Variants in DCUN1D4 observed in about 807,000 individuals in gnomAD.
DCUN1D4 encodes the protein DCN1-like protein 4.
DCUN1D4 carries 22 observed loss-of-function variants against 47.9 expected under a neutral mutation model. The ratio of observed to expected loss-of-function variants is 0.46; its 90% CI spans 0.33 to 0.66. The LOEUF (loss-of-function observed/expected upper bound fraction) is 0.66, where lower values mean the gene tolerates loss of function less well. Among genes scored for constraint, DCUN1D4 ranks in the 30% least tolerant of loss-of-function variants. The pLI is 0.02. For synonymous variants in DCUN1D4, 121 were observed against 112.2 expected, an observed-to-expected ratio of 1.08 and a Z score of -0.50; for missense variants, 301 against 340.8, an observed-to-expected ratio of 0.88 and a Z score of 0.92.
At chr4:51,860,265 A>G (rs761386532) in intron 1 of DCUN1D4, among the ~76,000 whole-genome samples, 1 of 152,156 alleles carries the variant, frequency 6.6e-6, no homozygotes, top group Admixed American at 6.5e-5. Context: ...GGGATTGGAT[A>G]TAGAAATGGA....
chr4:51,910,477 A>G (rs1733558170), intron 8 of DCUN1D4, among the ~76,000 whole-genome samples: 1 of 152,108 alleles, frequency 6.6e-6, no homozygotes, highest in African/African-American at 2.4e-5. Flanking sequence ...GTATTGATAG[A>G]CTTCCTGCCT....
At chr4:51,913,126 C>T (rs1040588899) in intron 9 of DCUN1D4, among the ~76,000 whole-genome samples, 164 bp from the exon 10 acceptor site, 1 of 152,136 alleles carries the variant, frequency 6.6e-6, no homozygotes, top group Admixed American at 6.5e-5. Context: ...TTAAATTCTA[C>T]TCTTGCTCTC....
intron 3 of DCUN1D4, among the ~76,000 whole-genome samples, chr4:51,869,177 T>A (rs974835857): frequency 9.3e-3 from 997 of 106,692 alleles, no homozygotes; most frequent in Non-Finnish European, 0.012. Context: ...ATAAAAAAAA[T>A]AAAAAAAAAT....
intron 7 of DCUN1D4, among the ~76,000 whole-genome samples, chr4:51,892,641 G>A (rs1730605144): frequency 6.6e-6 from 1 of 152,208 alleles, no homozygotes; most frequent in Non-Finnish European, 1.5e-5. Flanking sequence ...GTGGTTTTAT[G>A]TATTTGCCTT....
At chr4:51,885,813 T>A (rs545122383) in intron 5 of DCUN1D4, among the ~76,000 whole-genome samples, 21 of 152,172 alleles carry the variant, frequency 1.4e-4, no homozygotes, top group African/African-American at 4.6e-4. Context: ...GAAAGCCAGA[T>A]GAGAGAGGGT....
At chr4:51,912,630 A>G (rs1433311848) in intron 9 of DCUN1D4, among the ~76,000 whole-genome samples, 1 of 152,242 alleles carries the variant, frequency 6.6e-6, no homozygotes, top group African/African-American at 2.4e-5. Context: ...AAATAGACAC[A>G]TGGCAAATTT....
chr4:51,897,401 A>C (rs1442780986), intron 7 of DCUN1D4, among the ~76,000 whole-genome samples: 2 of 152,216 alleles, frequency 1.3e-5, no homozygotes, highest in Non-Finnish European at 2.9e-5. Context: ...TTTAGTTCAT[A>C]CAGTATACAA....
At chr4:51,891,427 A>C (rs1285818533) in intron 6 of DCUN1D4, among the ~76,000 whole-genome samples, 2 of 152,244 alleles carry the variant, frequency 1.3e-5, no homozygotes, top group African/African-American at 4.8e-5. Context: ...GTAGACCTAT[A>C]AGATAACTTG....
intron 1 of DCUN1D4, among the ~76,000 whole-genome samples, chr4:51,852,337 A>C (rs1723497016): frequency 6.6e-6 from 1 of 152,236 alleles, no homozygotes; most frequent in Non-Finnish European, 1.5e-5. Context: ...TAAATATAGG[A>C]GATCTCAACG....
At chr4:51,862,304 G>A (rs992885585) in intron 1 of DCUN1D4, among the ~76,000 whole-genome samples, 1 of 152,234 alleles carries the variant, frequency 6.6e-6, no homozygotes, top group Admixed American at 6.5e-5. Context: ...ACTCAGAACT[G>A]GATGCCCAAC....
Position 51,843,236 on chromosome 4 carries a change from C to G in DCUN1D4, c.-7C>G. 1 of 1,541,994 alleles carries G rather than the reference C, an allele frequency of 6.5e-7. No homozygotes were observed. The highest frequency in any genetic ancestry group is 8.7e-7 in the Non-Finnish European group (1 of 1,143,836). On this transcript the variant is annotated 5_prime_UTR_variant, in exon 1 of 11. Transcript: ENST00000334635. ...TGGGCGGCGAGCCGGGTGTGAGCTG[C>G]CTGAAAATGCACTCGGATGCCGCCG...
At chr4:51,845,405 G>A (rs1380656289) in intron 1 of DCUN1D4, among the ~76,000 whole-genome samples, 2 of 152,180 alleles carry the variant, frequency 1.3e-5, no homozygotes, top group Non-Finnish European at 2.9e-5. Flanking sequence ...TTCAATTTTC[G>A]AAGAAGCTTG....
chr4:51,906,600 A>T (rs1438644825), intron 8 of DCUN1D4, among the ~76,000 whole-genome samples: 1 of 152,062 alleles, frequency 6.6e-6, no homozygotes, highest in South Asian at 2.1e-4. Context: ...TCTCCCTCAT[A>T]CTTCACTGTC....
chr4:51,867,971 G>C (rs773063002), intron 3 of DCUN1D4, among the ~76,000 whole-genome samples: 1 of 152,248 alleles, frequency 6.6e-6, no homozygotes, highest in African/African-American at 2.4e-5. Flanking sequence ...CTTCCCCCTC[G>C]TGCTTGTTGG....
rs780968568 is a variant in DCUN1D4, at chr4:51,863,426, T to C, written c.26-11T>C. On this transcript the variant is annotated splice_polypyrimidine_tract_variant and intron_variant, in intron 1 of 10. Coordinates refer to ENST00000334635, the MANE Select transcript of DCUN1D4 (RefSeq NM_001040402.3). Reference sequence around the variant, plus strand: ...TAAATGACGCTGACATTTTTCCTTTTTCTTTTCAAGATTTTCAGCTGAACT... The same window carrying C: ...TAAATGACGCTGACATTTTTCCTTTCTCTTTTCAAGATTTTCAGCTGAACT... 1 of 1,603,540 alleles carries C rather than the reference T, an allele frequency of 6.2e-7. No homozygotes were observed. Among genetic ancestry groups the C allele is most frequent in the Admixed American group, 1.7e-5 (1 of 58,606 alleles).
At chr4:51,839,214 G>GAGGGAAGGAAAGAAAGAAAGAAAGAAAA (rs2109760212), upstream of DCUN1D4, among the ~76,000 whole-genome samples, 2 of 147,468 alleles carry the variant, frequency 1.4e-5, no homozygotes, top group African/African-American at 5.0e-5. Flanking sequence ...AAGGAAGGAG[G>GAGGGAAGGAAAGAAAGAAAGAAAGAAAA]GAAGGAAAGA....
intron 5 of DCUN1D4, among the ~76,000 whole-genome samples, chr4:51,880,329 T>C (rs1383217890): frequency 2.0e-5 from 3 of 152,140 alleles, no homozygotes; most frequent in Admixed American, 6.5e-5. Context: ...AATTGAGCCA[T>C]GTTCATTTTC....
intron 7 of DCUN1D4, among the ~76,000 whole-genome samples, chr4:51,896,883 C>A (rs1731347042): frequency 6.6e-6 from 1 of 152,180 alleles, no homozygotes; most frequent in East Asian, 1.9e-4. Flanking sequence ...ATTTTAAAAA[C>A]CCTCACTGTG....
At chr4:51,834,114 C>T in the DCUN1D4 span, among the ~76,000 whole-genome samples, 7,737 of 34,332 alleles carry the variant, frequency 0.23, 771 homozygotes, top group East Asian at 0.36. Flanking sequence ...TTTTTTTTTT[C>T]TTTTTTTTTT....
Sources: gnomAD v4.1 joint callset for allele counts (sites outside exome capture counted in the v4.1 genomes callset) on GRCh38, gnomAD v4.1.1 for gene constraint, MANE v1.5 for transcripts, NCBI Gene and HGNC (gene_info 2026-07-23, HGNC 2026-07-21) for gene names.